LTBP1: variants seen among roughly 807,000 people sequenced by gnomAD.
LTBP1 encodes latent-transforming growth factor beta-binding protein 1.
A neutral mutation model predicts 207.6 loss-of-function variants in LTBP1; 129 were observed. The ratio of observed to expected loss-of-function variants is 0.62; its 90% confidence interval spans 0.54 to 0.72. The LOEUF (loss-of-function observed/expected upper bound fraction) is 0.72. LTBP1 is among the 30% of genes least tolerant of loss of function. The pLI is 0.00. For synonymous variants in LTBP1, 963 were observed against 833.7 expected (o/e 1.16, Z -2.67); for missense variants, 2,281 against 2,217.2 (o/e 1.03, Z -0.58).
At chr2:33,236,742 A>C (rs934331173) in intron 9 of LTBP1, among the ~76,000 whole-genome samples, 1 of 152,200 alleles carries the variant, frequency 6.6e-6, no homozygotes, top group Non-Finnish European at 1.5e-5. Context: ...GTTACTGTGA[A>C]TATTTCAAGG....
intron 2 of LTBP1, among the ~76,000 whole-genome samples, chr2:32,959,058 A>T (rs1678566566): frequency 1.3e-5 from 2 of 152,176 alleles, no homozygotes; most frequent in African/African-American, 4.8e-5. Context: ...TTTTTACTCC[A>T]CCACATTTGA....
intron 3 of LTBP1, among the ~76,000 whole-genome samples, chr2:33,103,189 A>G (rs408061): frequency 6.6e-6 from 1 of 151,262 alleles, no homozygotes; most frequent in African/African-American, 2.4e-5. Context: ...TGCTGTATGC[A>G]CTGTCTGTAT....
At chr2:33,253,091 A>G (rs183078165) in intron 11 of LTBP1, among the ~76,000 whole-genome samples, 2 of 152,336 alleles carry the variant, frequency 1.3e-5, no homozygotes, top group Admixed American at 1.3e-4. Flanking sequence ...AAAAGCCATT[A>G]TATTTTATCT....
chr2:32,947,771 C>T lies in LTBP1; in HGVS notation c.447C>T (p.Ser149=), dbSNP rs1388792060. ...CCAAGGTGCCGCAGGAGACCCAGAG[C>T]GGCGGAGGCTCTAGGCTGCAGGTTC... The part of the protein sequence containing the change: ...VRSKVPQETQ[S]GGGSRLQVHQ... Residue 149 remains serine, a synonymous_variant, in exon 1 of 34, where the codon AGC becomes AGT. Transcript: ENST00000404816. 3 of 1,516,392 alleles carry T rather than the reference C, an allele frequency of 2.0e-6. No individual in the cohort carries two copies. Among genetic ancestry groups the T allele is most frequent in the African/African-American group, 1.4e-5 (1 of 69,882 alleles). 93.9% of individuals were successfully genotyped at this position (1,516,392 alleles called of 1,614,324 possible).
At chr2:33,385,698 C>G (rs535784633) in intron 31 of LTBP1, among the ~76,000 whole-genome samples, 7 of 152,312 alleles carry the variant, frequency 4.6e-5, no homozygotes, top group Non-Finnish European at 1.0e-4. Flanking sequence ...CCCATTACCC[C>G]ACGATCCTGG....
chr2:33,313,183 T>TA (rs1374766117), intron 23 of LTBP1, among the ~76,000 whole-genome samples: 3 of 152,222 alleles, frequency 2.0e-5, no homozygotes, highest in Non-Finnish European at 2.9e-5. Flanking sequence ...TTGAAATATC[T>TA]AAAAACTAGT....
intron 2 of LTBP1, among the ~76,000 whole-genome samples, chr2:32,959,609 ATATATATATATAT>A (rs1337940226): frequency 5.1e-5 from 1 of 19,754 alleles, no homozygotes; most frequent in Non-Finnish European, 1.8e-4. Flanking sequence ...ATATATATAT[ATATATATATATAT>A]TTTTTTTTTT....
chr2:33,294,194 C>G (rs775086562), intron 20 of LTBP1, among the ~76,000 whole-genome samples: 8 of 150,582 alleles, frequency 5.3e-5, no homozygotes, highest in African/African-American at 9.8e-5. Context: ...TTGTTTGTTT[C>G]TTTGTTTTGG....
chr2:33,189,371 A>G (rs567057080), intron 7 of LTBP1, among the ~76,000 whole-genome samples: 1 of 152,108 alleles, frequency 6.6e-6, no homozygotes, highest in South Asian at 2.1e-4. Context: ...AACGTTTATA[A>G]TTTTAGTAGA....
intron 22 of LTBP1, among the ~76,000 whole-genome samples, chr2:33,309,233 A>C (rs188691730): frequency 2.0e-5 from 3 of 151,706 alleles, no homozygotes; most frequent in Non-Finnish European, 2.9e-5. Context: ...CAGTGAGCCA[A>C]GATAGCGCCA....
At chr2:32,963,006 T>C (rs1679374743) in intron 2 of LTBP1, among the ~76,000 whole-genome samples, 1 of 152,174 alleles carries the variant, frequency 6.6e-6, no homozygotes, top group Non-Finnish European at 1.5e-5. Context: ...TCACTTGTGG[T>C]GTGATGAGGG....
intron 9 of LTBP1, among the ~76,000 whole-genome samples, chr2:33,237,476 T>C (rs929775114): frequency 6.6e-6 from 1 of 152,222 alleles, no homozygotes; most frequent in Non-Finnish European, 1.5e-5. Flanking sequence ...TGTTCACATA[T>C]CTTTAAGCTG....
chr2:33,103,622 TGTGTGA>T lies in LTBP1; in HGVS notation c.864-6955_864-6950del, dbSNP rs1476711730. ...GTGTGTGTGTGTGTGTGTGTGTGTG[TGTGTGA>T]GTGTTATGCTGCCATGTGGCATCTT... On this transcript the variant is annotated intron_variant, in intron 3 of 33. Coordinates refer to ENST00000404816, the MANE Select transcript of LTBP1 (RefSeq NM_206943.4). Among the ~76,000 whole-genome samples, 845 of 142,234 alleles carry T rather than the reference TGTGTGA, an allele frequency of 5.9e-3. 10 individuals carry two copies. Among genetic ancestry groups the T allele is most frequent in the African/African-American group, 0.015 (616 of 40,052 alleles). The allele number at this position is 142,234 out of a possible 152,430, so 93.3% of individuals were successfully genotyped here. A position where few individuals can be genotyped will look rare whatever the true frequency, so the allele number is the denominator to read the frequency against.
chr2:33,105,186 A>G (rs746044438), intron 3 of LTBP1, among the ~76,000 whole-genome samples: 1 of 152,214 alleles, frequency 6.6e-6, no homozygotes, highest in Non-Finnish European at 1.5e-5. Context: ...CTGAGGGTTC[A>G]CATCCAGACC....
At chr2:33,193,802 G>A (rs1452877054) in intron 7 of LTBP1, among the ~76,000 whole-genome samples, 1 of 152,082 alleles carries the variant, frequency 6.6e-6, no homozygotes, top group African/African-American at 2.4e-5. Context: ...AAACTTAATT[G>A]ATACATGTGT....
At chr2:33,150,147 G>A (rs1259885271) in intron 5 of LTBP1, among the ~76,000 whole-genome samples, 1 of 152,170 alleles carries the variant, frequency 6.6e-6, no homozygotes. Flanking sequence ...AATGGCCCTA[G>A]GGAGCAAGTA....
intron 7 of LTBP1, among the ~76,000 whole-genome samples, chr2:33,198,075 T>C (rs941904285): frequency 6.6e-6 from 1 of 152,218 alleles, no homozygotes; most frequent in East Asian, 1.9e-4. Flanking sequence ...GAACCCACTT[T>C]TATAGTTTGC....
At chr2:33,234,720 A>G (rs2091958914) in intron 9 of LTBP1, among the ~76,000 whole-genome samples, 1 of 152,190 alleles carries the variant, frequency 6.6e-6, no homozygotes, top group African/African-American at 2.4e-5. Flanking sequence ...TAGAAAAACT[A>G]CTTTAAATTT....
intron 3 of LTBP1, among the ~76,000 whole-genome samples, chr2:33,035,121 A>G (rs2075859758): frequency 6.6e-6 from 1 of 152,230 alleles, no homozygotes; most frequent in South Asian, 2.1e-4. Context: ...GAATTAATTC[A>G]TATGAGCAAT....
Sources: gnomAD v4.1 joint callset for allele counts (sites outside exome capture counted in the v4.1 genomes callset) on GRCh38, gnomAD v4.1.1 for gene constraint, MANE v1.5 for transcripts, NCBI Gene and HGNC (gene_info 2026-07-23, HGNC 2026-07-21) for gene names.